The following C12orf54 variants were observed in gnomAD, a reference collection of about 807,000 sequenced individuals.
C12orf54 encodes the protein uncharacterized protein C12orf54.
C12orf54 carries 24 observed loss-of-function variants against 26.4 expected under a neutral mutation model. The observed-to-expected ratio is 0.91, with a 90% CI of 0.66 to 1.28. The LOEUF is 1.28. C12orf54 is among the 50% of genes most tolerant of loss of function. The probability of loss-of-function intolerance (pLI) is 0.00; values close to 1 mark genes in which losing one functional copy is unlikely to be tolerated. For missense variants in C12orf54, 154 were observed against 150.9 expected (o/e 1.02, Z -0.11); for synonymous variants, 54 against 47.0 (o/e 1.15, Z -0.61).
chr12:48,463,619 AAAAG>A, the C12orf54 span, among the ~76,000 whole-genome samples: 1 of 151,858 alleles, frequency 6.6e-6, no homozygotes, highest in Admixed American at 6.6e-5. Flanking sequence ...TATAAAAAAA[AAAAG>A]AAAGAAAGAA....
At chr12:48,474,885 C>A in the C12orf54 span, among the ~76,000 whole-genome samples, 1 of 152,258 alleles carries the variant, frequency 6.6e-6, no homozygotes, top group Non-Finnish European at 1.5e-5. Context: ...TGTCTGACAG[C>A]TTTGAAAAGA....
the C12orf54 span, among the ~76,000 whole-genome samples, chr12:48,471,053 G>C: frequency 6.6e-6 from 1 of 151,932 alleles, no homozygotes; most frequent in Non-Finnish European, 1.5e-5. Flanking sequence ...TCAAATAGTA[G>C]GTCTTATTCA....
the C12orf54 span, among the ~76,000 whole-genome samples, chr12:48,456,162 G>C: frequency 1.3e-5 from 2 of 152,156 alleles, no homozygotes; most frequent in Non-Finnish European, 2.9e-5. Flanking sequence ...AAGCAGCTCA[G>C]CCAACAACAA....
intron 7 of C12orf54, among the ~76,000 whole-genome samples, chr12:48,493,362 G>A (rs1427272163): frequency 6.6e-6 from 1 of 152,168 alleles, no homozygotes; most frequent in Admixed American, 6.5e-5. Flanking sequence ...GGCTGGGTGT[G>A]GGGTGGTTCA....
intron 2 of C12orf54, 48 bp downstream of exon 2, chr12:48,483,409 C>T (rs1247645685): frequency 1.3e-6 from 2 of 1,575,528 alleles, no homozygotes; most frequent in South Asian, 2.2e-5. Flanking sequence ...TTGCTATACT[C>T]TATGGGAGAA....
chr12:48,461,086 G>T, the C12orf54 span, among the ~76,000 whole-genome samples: 1 of 151,890 alleles, frequency 6.6e-6, no homozygotes, highest in East Asian at 1.9e-4. Flanking sequence ...AAGATATTCC[G>T]TGCTGACACT....
At chr12:48,419,620 G>C in the C12orf54 span, among the ~76,000 whole-genome samples, 1 of 152,166 alleles carries the variant, frequency 6.6e-6, no homozygotes, top group South Asian at 2.1e-4. Context: ...CCCACTATGA[G>C]AGCAGAGCTG....
chr12:48,444,040 G>C, the C12orf54 span, among the ~76,000 whole-genome samples: 1 of 152,206 alleles, frequency 6.6e-6, no homozygotes, highest in African/African-American at 2.4e-5. Flanking sequence ...CAGAGGTCCA[G>C]ACTAATAAGT....
chr12:48,416,641 C>A, the C12orf54 span, among the ~76,000 whole-genome samples: 1 of 152,130 alleles, frequency 6.6e-6, no homozygotes, highest in African/African-American at 2.4e-5. Flanking sequence ...ACAGGTGGGT[C>A]ACCTGAGGTC....
chr12:48,451,662 T>A, the C12orf54 span, among the ~76,000 whole-genome samples: 2 of 152,196 alleles, frequency 1.3e-5, no homozygotes, highest in African/African-American at 4.8e-5. Context: ...ACAAAGTTAA[T>A]GTGCAAAAAT....
chr12:48,453,952 G>T, the C12orf54 span, among the ~76,000 whole-genome samples: 4 of 152,034 alleles, frequency 2.6e-5, no homozygotes, highest in Non-Finnish European at 5.9e-5. Context: ...TAGATTCATT[G>T]TACTTGAAGC....
the C12orf54 span, among the ~76,000 whole-genome samples, chr12:48,421,960 C>G: frequency 1.3e-5 from 2 of 151,874 alleles, no homozygotes; most frequent in African/African-American, 4.8e-5. Context: ...AAGAACAATC[C>G]AAGAGACTCT....
At chr12:48,431,189 C>A in the C12orf54 span, among the ~76,000 whole-genome samples, 1 of 152,082 alleles carries the variant, frequency 6.6e-6, no homozygotes, top group Non-Finnish European at 1.5e-5. Flanking sequence ...AAATAGGGTG[C>A]AATGTGTACT....
At chr12:48,419,453 T>C in the C12orf54 span, among the ~76,000 whole-genome samples, 2 of 152,208 alleles carry the variant, frequency 1.3e-5, no homozygotes, top group African/African-American at 2.4e-5. Flanking sequence ...TTGGTTATGA[T>C]TAGACTTTGA....
chr12:48,434,276 G>T, the C12orf54 span, among the ~76,000 whole-genome samples: 1 of 152,236 alleles, frequency 6.6e-6, no homozygotes, highest in Non-Finnish European at 1.5e-5. Context: ...AGCTCGAACT[G>T]GGTGCAGCCC....
the C12orf54 span, among the ~76,000 whole-genome samples, chr12:48,448,184 G>T: frequency 1 from 152,070 of 152,360 alleles, 75,891 homozygotes; most frequent in Middle Eastern, 1. Context: ...TAAGCCACTC[G>T]GTACCTGGAC....
the C12orf54 span, among the ~76,000 whole-genome samples, chr12:48,440,610 A>G: frequency 1.3e-5 from 2 of 152,232 alleles, no homozygotes; most frequent in Admixed American, 6.5e-5. Flanking sequence ...TTGTCTAGCA[A>G]TGTGTATGAG....
chr12:48,492,402 T>A (rs1380958108), intron 6 of C12orf54, among the ~76,000 whole-genome samples: 2 of 152,154 alleles, frequency 1.3e-5, no homozygotes, highest in Non-Finnish European at 2.9e-5. Context: ...CAAGCTTACC[T>A]CTGCTTAGAG....
the C12orf54 span, among the ~76,000 whole-genome samples, chr12:48,414,050 A>C: frequency 6.6e-6 from 1 of 152,252 alleles, no homozygotes; most frequent in Non-Finnish European, 1.5e-5. Flanking sequence ...TGATAAATGA[A>C]GGAAAAGGAC....
Sources: gnomAD v4.1 joint callset for allele counts (sites outside exome capture counted in the v4.1 genomes callset) on GRCh38, gnomAD v4.1.1 for gene constraint, MANE v1.5 for transcripts, NCBI Gene and HGNC (gene_info 2026-07-23, HGNC 2026-07-21) for gene names.